Variants in ADGRD2 observed in about 807,000 individuals in gnomAD.
ADGRD2 encodes G protein-coupled receptor PGR24.
Under a neutral mutation model 44.4 loss-of-function variants are expected in ADGRD2, and 71 were observed. The ratio of observed to expected loss-of-function variants is 1.60; its 90% CI spans 1.32 to 1.95. The LOEUF is 1.95. Among genes scored for constraint, ADGRD2 ranks in the 30% most tolerant of loss-of-function variants. ADGRD2 has a pLI of 0.00. For missense variants in ADGRD2, 1,039 were observed against 512.4 expected, an observed-to-expected ratio of 2.03 and a Z score of -9.92; for synonymous variants, 481 against 224.8, an observed-to-expected ratio of 2.14 and a Z score of -10.19.
chr9:124,471,359 G>A (rs929568798), intron 17 of ADGRD2, among the ~76,000 whole-genome samples: 5 of 152,198 alleles, frequency 3.3e-5, no homozygotes, highest in South Asian at 2.1e-4. Flanking sequence ...GTGGGCAAGG[G>A]CCCAGGCTGG....
chr9:124,477,813 G>GC (rs1162773418), intron 21 of ADGRD2, among the ~76,000 whole-genome samples: 2 of 41,816 alleles, frequency 4.8e-5, no homozygotes, highest in Non-Finnish European at 1.0e-4. Context: ...CACCTGCCCC[G>GC]CCCCCACCCG....
At chr9:124,452,757 G>A (rs1234421229) in intron 2 of ADGRD2, 35 bp downstream of exon 5, 3 of 697,132 alleles carry the variant, frequency 4.3e-6, no homozygotes, top group East Asian at 2.7e-5. Flanking sequence ...GGAGCAAGGG[G>A]CAGAGGCTCT....
At chr9:124,459,125 G>T (rs2131237592) in intron 10 of ADGRD2, among the ~76,000 whole-genome samples, 1 of 152,316 alleles carries the variant, frequency 6.6e-6, no homozygotes, top group Admixed American at 6.5e-5. Flanking sequence ...TGTGTGTACA[G>T]GGGCCTTCAC....
chr9:124,450,870 G>A (rs1406758406), upstream of ADGRD2, among the ~76,000 whole-genome samples: 2 of 152,236 alleles, frequency 1.3e-5, no homozygotes, highest in Non-Finnish European at 2.9e-5. Flanking sequence ...CCAGGTGTCA[G>A]GACACCGTGT....
chr9:124,452,997 G>A (rs1446701981), intron 2 of ADGRD2, 38 bp from the exon 6 acceptor site: 5 of 631,498 alleles, frequency 7.9e-6, no homozygotes, highest in South Asian at 1.8e-5. Context: ...ATGTGCACAG[G>A]TGAGGAAACT....
chr9:124,475,367 C>T (rs891677228), intron 17 of ADGRD2, 79 bp from the exon 21 acceptor site: 38 of 668,258 alleles, frequency 5.7e-5, no homozygotes, highest in African/African-American at 5.4e-4. Context: ...TGGGAGGCGC[C>T]GGGACCCCAG....
At chr9:124,476,296 G>C in intron 19 of ADGRD2, 61 bp from the exon 23 acceptor site, 2 of 661,698 alleles carry the variant, frequency 3.0e-6, no homozygotes, top group South Asian at 3.2e-5. Flanking sequence ...CTCCCAGGAT[G>C]GGGGAGCAGA....
intron 21 of ADGRD2, chr9:124,477,073 C>A (rs569971018): frequency 5.4e-5 from 29 of 534,196 alleles, no homozygotes; most frequent in Non-Finnish European, 9.7e-5. Flanking sequence ...CCAGCACCCC[C>A]CGTCACCCTC....
chr9:124,454,059 G>C lies in ADGRD2; in HGVS notation c.986G>C (p.Cys329Ser), dbSNP rs1831564529. ...CCTCGCAGTGAGGGCTCTGAGCTCT[G>C]CCTGGAGCCGCAGCCCTTCCTCTGC... The change falls in exon 4 of 22, where the codon TGC becomes TCC. Residue 329 changes from cysteine (C) to serine (S), a missense_variant. By Grantham distance (112) the Cys-to-Ser change is moderately radical (BLOSUM62 -1). Transcript: ENST00000334810. The surrounding 1 kb of genome is among the most constrained non-coding windows in gnomAD (Gnocchi z 4.5). 1.4e-6 allele frequency: 1 copy of C among 713,950 alleles called. No homozygotes were observed. The highest frequency in any genetic ancestry group is 1.8e-5 in the African/African-American group (1 of 57,076). 44.2% of individuals were successfully genotyped at this position (713,950 alleles called of 1,614,324 possible). A position where few individuals can be genotyped will look rare whatever the true frequency, so the allele number is the denominator to read the frequency against.
In ADGRD2 at chr9:124,454,631, A is replaced by G; in HGVS notation, c.1108+62A>G. On this transcript the variant is annotated intron_variant, in intron 5 of 21. Coordinates refer to ENST00000334810, the Ensembl canonical transcript of ADGRD2. The surrounding 1 kb of genome is among the most constrained non-coding windows in gnomAD (Gnocchi z 4.5). ...TCCATGGGTCACCTCGCTGCACCTC[A>G]GTTTCCTCCCTTGTAAAGGGGACAC... The G allele has an allele frequency of 2.9e-6, 2 of 692,464 alleles. No homozygotes were observed. The highest frequency in any genetic ancestry group is 5.4e-6 in the Non-Finnish European group (2 of 369,442). The allele number at this position is 692,464 out of a possible 1,614,324, so 42.9% of individuals were successfully genotyped here. A position where few individuals can be genotyped will look rare whatever the true frequency, so the allele number is the denominator to read the frequency against.
At position 124,458,748 on chromosome 9, in the gene ADGRD2, G is replaced by A. The variant is rs370146331; in HGVS notation, c.1870+27G>A. ...TACTGGGTGGCGCTTCTGGGAAGCA[G>A]CCATCCTGGCGCACGTGTCCTGGTT... is the stretch of plus-strand genomic sequence containing the variant. On this transcript the variant is annotated intron_variant, in intron 10 of 21. Transcript: ENST00000334810. 4 of 715,488 alleles carry A rather than the reference G, an allele frequency of 5.6e-6. No individual in the cohort carries two copies. In the African/African-American group the frequency reaches 7.0e-5, roughly 13 times the overall value. The allele number at this position is 715,488 out of a possible 1,614,324, so 44.3% of individuals were successfully genotyped here.
At chr9:124,453,228 C>A in exon 3 of ADGRD2, 1 of 590,360 alleles carries the variant, frequency 1.7e-6, no homozygotes, top group Non-Finnish European at 3.0e-6. Flanking sequence ...AGCTGCGCGC[C>A]TTCGCCGAGC....
At chr9:124,452,309 G>A (rs1482282589) in intron 1 of ADGRD2, 155 bp downstream of exon 4, 2 of 636,898 alleles carry the variant, frequency 3.1e-6, no homozygotes, top group Non-Finnish European at 2.9e-6. Flanking sequence ...CGCTTCACTG[G>A]TTTCCGTCTC....
intron 9 of ADGRD2, 28 bp from the exon 13 acceptor site, chr9:124,458,588 C>T (rs1397999411): frequency 2.8e-6 from 2 of 717,128 alleles, no homozygotes; most frequent in Admixed American, 4.0e-5. Context: ...TCCACAGCCA[C>T]CCTTGAAAGC....
At chr9:124,468,013 G>A (rs1252915560) in intron 12 of ADGRD2, 75 bp from the exon 16 acceptor site, 7 of 716,690 alleles carry the variant, frequency 9.8e-6, no homozygotes, top group Non-Finnish European at 1.6e-5. Flanking sequence ...ACAGGGGATC[G>A]GGCAGGACAG....
chr9:124,473,002 G>A (rs1406773383), intron 17 of ADGRD2, among the ~76,000 whole-genome samples: 2 of 152,158 alleles, frequency 1.3e-5, no homozygotes, highest in African/African-American at 4.8e-5. Context: ...GACCCTCTTA[G>A]GCTCAGAGCC....
chr9:124,470,320 G>A (rs144057386), intron 16 of ADGRD2, among the ~76,000 whole-genome samples, 174 bp from the exon 20 acceptor site: 159 of 152,282 alleles, frequency 1.0e-3, no homozygotes, highest in South Asian at 5.6e-3. Context: ...GAGAACAGGG[G>A]GGGCAACAAA....
At chr9:124,452,778 A>G in intron 2 of ADGRD2, 56 bp downstream of exon 5, 1 of 679,898 alleles carries the variant, frequency 1.5e-6, no homozygotes, top group Non-Finnish European at 2.7e-6. Flanking sequence ...GGTGACCTTC[A>G]GATATAGGAG....
At chr9:124,470,582 G>A (rs1200328892) in exon 17 of ADGRD2, 8 of 708,424 alleles carry the variant, frequency 1.1e-5, no homozygotes, top group Non-Finnish European at 1.8e-5. Flanking sequence ...CCCCGCCTGG[G>A]CCTACGCTGC....
Sources: allele counts gnomAD v4.1 joint callset (sites outside exome capture counted in the v4.1 genomes callset), GRCh38; gene constraint gnomAD v4.1.1; non-coding constraint Gnocchi (gnomAD v3.1); transcripts MANE v1.5; gene names NCBI Gene and HGNC (gene_info 2026-07-23, HGNC 2026-07-21).